Variants in PRPF39 observed in about 807,000 individuals in gnomAD.
PRPF39 encodes pre-mRNA processing factor 39, also known as pre-mRNA-processing factor 39.
Under a neutral mutation model 82.1 loss-of-function variants are expected in PRPF39, and 27 were observed. The observed-to-expected ratio is 0.33, with a 90% CI of 0.24 to 0.45. The LOEUF (loss-of-function observed/expected upper bound fraction) is 0.45, where lower values mean the gene tolerates loss of function less well. Among genes scored for constraint, PRPF39 ranks in the 20% least tolerant of loss-of-function variants. PRPF39 has a pLI of 1.00. For synonymous variants in PRPF39, 261 were observed against 256.4 expected (o/e 1.02, Z -0.17); for missense variants, 581 against 796.9 (o/e 0.73, Z 3.26).
chr14:45,112,435 A>C lies in PRPF39; in HGVS notation c.1690A>C (p.Lys564Gln). 1.3e-6 allele frequency: 2 copies of C among 1,547,944 alleles called. No individual in the cohort carries two copies. The highest frequency in any genetic ancestry group is 8.6e-7 in the Non-Finnish European group (1 of 1,156,514). ...DKAVHGSLPI[K>Q]MRITFSQRKV... Reference sequence around the variant, plus strand: ...AGCTGTACATGGTTCATTACCTATTAAAATGAGAATTACATTTTCTCAGAG... The same window carrying C: ...AGCTGTACATGGTTCATTACCTATTCAAATGAGAATTACATTTTCTCAGAG... The change falls in exon 11 of 14, where the codon AAA becomes CAA. Residue 564 changes from lysine (K) to glutamine (Q), a missense_variant. Physicochemically the swap from Lys to Gln is moderately conservative, Grantham distance 53 (BLOSUM62 1). Transcript: ENST00000355765.
chr14:45,104,436 T>G (rs941247337), intron 5 of PRPF39, among the ~76,000 whole-genome samples: 7 of 152,168 alleles, frequency 4.6e-5, no homozygotes, highest in Non-Finnish European at 7.4e-5. Flanking sequence ...GTTTTGTTTT[T>G]TTTTTCCATA....
At chr14:45,099,134 T>A (rs1355573340) in intron 4 of PRPF39, among the ~76,000 whole-genome samples, 1 of 152,208 alleles carries the variant, frequency 6.6e-6, no homozygotes, top group Admixed American at 6.5e-5. Flanking sequence ...AAATGAAGTT[T>A]TATAAAAATG....
At chr14:45,090,594 A>C (rs1482270887) in intron 1 of PRPF39, among the ~76,000 whole-genome samples, 2 of 151,996 alleles carry the variant, frequency 1.3e-5, no homozygotes, top group African/African-American at 4.8e-5. Flanking sequence ...TTCTTTTTCT[A>C]TTATTCCATA....
At chr14:45,095,889 G>GTTTTTTT (rs371379977) in intron 2 of PRPF39, among the ~76,000 whole-genome samples, 3 of 130,002 alleles carry the variant, frequency 2.3e-5, no homozygotes, top group African/African-American at 8.5e-5. Context: ...GCCTGTGTAG[G>GTTTTTTT]TTTTTTTTTT....
At chr14:45,111,648 T>G (rs981078608) in intron 10 of PRPF39, among the ~76,000 whole-genome samples, 3 of 141,680 alleles carry the variant, frequency 2.1e-5, no homozygotes, top group Non-Finnish European at 4.6e-5. Context: ...TTTTTTTTTT[T>G]TTTTTTTTTT....
At chr14:45,111,380 G>A (rs1204280927) in intron 10 of PRPF39, among the ~76,000 whole-genome samples, 2 of 151,916 alleles carry the variant, frequency 1.3e-5, no homozygotes, top group East Asian at 3.9e-4. Context: ...TGTCGCCTAA[G>A]CTGGAGTGCA....
At chr14:45,111,509 A>T (rs1884694766) in intron 10 of PRPF39, among the ~76,000 whole-genome samples, 1 of 147,398 alleles carries the variant, frequency 6.8e-6, no homozygotes, top group South Asian at 2.1e-4. Flanking sequence ...TGATTTTTGT[A>T]TTTTTAGTAG....
In PRPF39 at chr14:45,095,450, A is replaced by G. The variant is rs1396050468; in HGVS notation, c.211A>G (p.Thr71Ala). 1.2e-6 allele frequency: 2 copies of G among 1,613,902 alleles called. No individual in the cohort carries two copies. Among genetic ancestry groups the G allele is most frequent in the African/African-American group, 1.3e-5 (1 of 74,932 alleles). Residue 71 changes from threonine to alanine, a missense_variant, in exon 2 of 14, where the codon ACA becomes GCA. Physicochemically the swap from Thr to Ala is moderately conservative, Grantham distance 58. Transcript: ENST00000355765. ...TGCTGTGGACCTTCCAGTGACGCTG[A>G]CAGAAACAGAAGCAAATTTCCCTCC... ...ASAVDLPVTLTETEANFPPEY... is the reference protein window; with the variant it reads ...ASAVDLPVTLAETEANFPPEY...
intron 5 of PRPF39, among the ~76,000 whole-genome samples, chr14:45,103,710 C>T (rs1884444626): frequency 1.3e-5 from 2 of 152,112 alleles, no homozygotes; most frequent in Admixed American, 6.5e-5. Flanking sequence ...CCTAGGAAGA[C>T]ACTTGCTGAA....
chr14:45,102,869 T>G (rs1415437498), intron 5 of PRPF39, among the ~76,000 whole-genome samples, 173 bp downstream of exon 5: 2 of 152,234 alleles, frequency 1.3e-5, no homozygotes, highest in African/African-American at 4.8e-5. Context: ...TTCATATGCC[T>G]TATGAAATGT....
chr14:45,097,034 T>G, intron 4 of PRPF39, 29 bp downstream of exon 4: 1 of 1,498,826 alleles, frequency 6.7e-7, no homozygotes, highest in Non-Finnish European at 8.8e-7. Context: ...CTGAAATGTT[T>G]TTTATGATAT....
intron 4 of PRPF39, among the ~76,000 whole-genome samples, chr14:45,100,838 T>C (rs1566694566): frequency 6.6e-6 from 1 of 152,200 alleles, no homozygotes; most frequent in East Asian, 1.9e-4. Context: ...TTTTAATTCT[T>C]ACTGGTTCCT....
At chr14:45,097,389 A>G (rs998566869) in intron 4 of PRPF39, among the ~76,000 whole-genome samples, 9 of 152,230 alleles carry the variant, frequency 5.9e-5, no homozygotes, top group Admixed American at 4.6e-4. Context: ...TATAAAAAGT[A>G]TCTTATAAGC....
At chr14:45,086,954 T>C (rs1253653048) in intron 1 of PRPF39, among the ~76,000 whole-genome samples, 1 of 151,828 alleles carries the variant, frequency 6.6e-6, no homozygotes, top group African/African-American at 2.4e-5. Flanking sequence ...GTGCCCTTAA[T>C]GTGTGCATTC....
chr14:45,087,891 A>G (rs1883893211), intron 1 of PRPF39, among the ~76,000 whole-genome samples: 1 of 151,920 alleles, frequency 6.6e-6, no homozygotes. Flanking sequence ...CCGGCCTCAT[A>G]AGTGTTCTTC....
intron 6 of PRPF39, among the ~76,000 whole-genome samples, chr14:45,107,922 C>T (rs898070572): frequency 2.6e-5 from 4 of 151,810 alleles, no homozygotes; most frequent in African/African-American, 9.7e-5. Flanking sequence ...GAGCAAGACT[C>T]CATCTCGGGG....
chr14:45,097,953 C>A (rs1022903417), intron 4 of PRPF39, among the ~76,000 whole-genome samples: 8 of 152,134 alleles, frequency 5.3e-5, no homozygotes, highest in Non-Finnish European at 8.8e-5. Context: ...AACAGTAGAT[C>A]TATGTTGCTT....
At chr14:45,109,937 A>T in intron 8 of PRPF39, 157 bp downstream of exon 8, 1 of 1,530,630 alleles carries the variant, frequency 6.5e-7, no homozygotes, top group Non-Finnish European at 8.7e-7. Context: ...GCATATGCCA[A>T]CCTCGTTGCC....
chr14:45,110,717 C>A lies in PRPF39; in HGVS notation c.1472C>A (p.Ser491Tyr), dbSNP rs763946616. ...AAGAATGCCAAATCAAATAATGAATCTTCATTTTATGCTGTCAAACTAGCC... is the reference window on the plus strand; with the variant it reads ...AAGAATGCCAAATCAAATAATGAATATTCATTTTATGCTGTCAAACTAGCC... ...AIKNAKSNNESSFYAVKLARH... is the reference protein window; with the variant it reads ...AIKNAKSNNEYSFYAVKLARH... Residue 491 changes from serine to tyrosine, a missense_variant, in exon 10 of 14, where the codon TCT becomes TAT. Coordinates refer to ENST00000355765, the MANE Select transcript of PRPF39 (RefSeq NM_017922.4). The surrounding 1 kb of genome is among the most constrained non-coding windows in gnomAD (Gnocchi z 4.0). 6.4e-6 allele frequency: 10 copies of A among 1,564,826 alleles called. No homozygotes were observed. The highest frequency in any genetic ancestry group is 8.7e-6 in the Non-Finnish European group (10 of 1,153,596).
Sources: allele counts gnomAD v4.1 joint callset (sites outside exome capture counted in the v4.1 genomes callset), GRCh38; gene constraint gnomAD v4.1.1; non-coding constraint Gnocchi (gnomAD v3.1); transcripts MANE v1.5; gene names NCBI Gene and HGNC (gene_info 2026-07-23, HGNC 2026-07-21).